FRMPD2: variants seen among roughly 807,000 people sequenced by gnomAD.
FRMPD2 encodes the protein FERM and PDZ domain containing 2, also known as FERM and PDZ domain-containing protein 2.
A neutral mutation model predicts 140.1 loss-of-function variants in FRMPD2; 96 were observed. The observed-to-expected ratio is 0.69, with a 90% CI of 0.58 to 0.81. FRMPD2 has a LOEUF of 0.81. FRMPD2 is among the 40% of genes least tolerant of loss of function. The pLI is 0.00. For synonymous variants in FRMPD2, 449 were observed against 547.6 expected (o/e 0.82, Z 2.52); for missense variants, 1,240 against 1,447.4 (o/e 0.86, Z 2.32).
In FRMPD2 at chr10:48,244,840, A is replaced by G. The variant is rs768216116; in HGVS notation, c.319T>C (p.Tyr107His). Residue 107 changes from tyrosine (Y) to histidine (H), a missense_variant, in exon 4 of 29, where the codon TAT becomes CAT. Tyr to His is a moderately conservative substitution (Grantham distance 83). Transcript: ENST00000374201. ...CAGTAGAGGGTCATTCCTAAAGAAT[A>G]GACATGCATCTGCCCAAAAGAAGAG... The part of the protein sequence containing the change: ...EQPDASQMHV[Y>H]SLGMTLYWSA... 1.9e-6 allele frequency: 3 copies of G among 1,611,082 alleles called. No homozygotes were observed. The highest frequency in any genetic ancestry group is 1.1e-5 in the South Asian group (1 of 91,032).
intron 1 of FRMPD2, among the ~76,000 whole-genome samples, chr10:48,259,030 A>AC (rs1840535386): frequency 6.6e-6 from 1 of 152,242 alleles, no homozygotes; most frequent in Admixed American, 6.5e-5. Flanking sequence ...TGAAAAATTG[A>AC]AGTAAAATGT....
intron 1 of FRMPD2, among the ~76,000 whole-genome samples, chr10:48,264,782 C>T (rs927745126): frequency 9.9e-5 from 15 of 152,086 alleles, no homozygotes; most frequent in African/African-American, 3.4e-4. Context: ...ATATCAACAA[C>T]TAATTCTAAA....
At chr10:48,270,332 G>T (rs1425790440) in intron 1 of FRMPD2, among the ~76,000 whole-genome samples, 1 of 152,178 alleles carries the variant, frequency 6.6e-6, no homozygotes, top group African/African-American at 2.4e-5. Flanking sequence ...TGCGACAGCT[G>T]ATTTGTAAAG....
chr10:48,180,050 C>G (rs1289393559), intron 21 of FRMPD2, among the ~76,000 whole-genome samples: 1 of 152,080 alleles, frequency 6.6e-6, no homozygotes, highest in Non-Finnish European at 1.5e-5. Context: ...TGTAGAGGGG[C>G]ACAGGCAACC....
intron 1 of FRMPD2, among the ~76,000 whole-genome samples, chr10:48,271,405 AC>A (rs1239186951): frequency 6.6e-6 from 1 of 152,184 alleles, no homozygotes; most frequent in Non-Finnish European, 1.5e-5. Context: ...TAATACATTT[AC>A]TCTCCAGCCA....
intron 1 of FRMPD2, among the ~76,000 whole-genome samples, chr10:48,263,394 C>G (rs1840628278): frequency 1.3e-5 from 2 of 150,844 alleles, no homozygotes; most frequent in Admixed American, 1.3e-4. Flanking sequence ...TTGAAAACAA[C>G]AACAAAACTG....
At chr10:48,201,158 A>G (rs1839075534) in intron 15 of FRMPD2, 70 bp downstream of exon 15, 2 of 1,250,516 alleles carry the variant, frequency 1.6e-6, no homozygotes, top group East Asian at 5.3e-5. Context: ...AATTGTATCT[A>G]TTTATACAAA....
At chr10:48,260,502 C>T (rs1254077886) in intron 1 of FRMPD2, among the ~76,000 whole-genome samples, 1 of 152,204 alleles carries the variant, frequency 6.6e-6, no homozygotes, top group African/African-American at 2.4e-5. Flanking sequence ...GCCCATAGCA[C>T]AATTCAAACT....
chr10:48,239,550 C>T (rs1282814262), intron 7 of FRMPD2, 55 bp downstream of exon 7: 10 of 1,287,684 alleles, frequency 7.8e-6, no homozygotes, highest in Admixed American at 1.7e-5. Context: ...TACCATAGCC[C>T]CCACACCTAT....
At chr10:48,249,246 G>A in intron 2 of FRMPD2, 68 bp from the exon 3 acceptor site, 1 of 1,513,966 alleles carries the variant, frequency 6.6e-7, no homozygotes, top group Non-Finnish European at 9.0e-7. Context: ...ATGGGACTGT[G>A]CCCAGCAGGT....
intron 16 of FRMPD2, among the ~76,000 whole-genome samples, chr10:48,188,157 C>A (rs1292963329): frequency 6.6e-6 from 1 of 152,170 alleles, no homozygotes; most frequent in Non-Finnish European, 1.5e-5. Flanking sequence ...AGACTGACCC[C>A]CACCCCTCAG....
At chr10:48,241,679 G>A (rs1450179819) in intron 5 of FRMPD2, among the ~76,000 whole-genome samples, 11 of 152,184 alleles carry the variant, frequency 7.2e-5, no homozygotes, top group Admixed American at 7.2e-4. Context: ...TCTGTGGAGT[G>A]CACAGGGCAG....
intron 1 of FRMPD2, among the ~76,000 whole-genome samples, chr10:48,258,298 T>G (rs574199053): frequency 6.6e-6 from 1 of 152,350 alleles, no homozygotes; most frequent in African/African-American, 2.4e-5. Flanking sequence ...GCTCTTATCT[T>G]CTGGAATTCT....
chr10:48,252,507 G>A (rs1214746422), intron 1 of FRMPD2, among the ~76,000 whole-genome samples: 1 of 151,902 alleles, frequency 6.6e-6, no homozygotes, highest in Non-Finnish European at 1.5e-5. Flanking sequence ...AGTGTCGGGC[G>A]CTAGATGGGG....
chr10:48,236,605 G>A (rs1212146967), intron 8 of FRMPD2, 52 bp from the exon 9 acceptor site: 12 of 1,548,704 alleles, frequency 7.7e-6, no homozygotes, highest in Non-Finnish European at 9.8e-6. Flanking sequence ...TCCAGGCTTT[G>A]GGTCTGGGCT....
intron 20 of FRMPD2, among the ~76,000 whole-genome samples, chr10:48,182,325 G>A (rs765543979): frequency 5.9e-5 from 9 of 152,122 alleles, no homozygotes; most frequent in South Asian, 2.1e-4. Flanking sequence ...TGGGACTTAC[G>A]ATTGAAATGA....
chr10:48,201,184 A>G, intron 15 of FRMPD2, 44 bp downstream of exon 15: 1 of 1,458,546 alleles, frequency 6.9e-7, no homozygotes, highest in East Asian at 2.4e-5. Context: ...TTATGAAATA[A>G]CAAACTTGTC....
At position 48,185,070 on chromosome 10, in the gene FRMPD2, T is replaced by C. The variant is rs144910321; in HGVS notation, c.2360-189A>G. Among the ~76,000 whole-genome samples, 1,004 of 152,330 alleles carry C rather than the reference T, an allele frequency of 6.6e-3. 11 individuals carry two copies. The highest frequency in any genetic ancestry group is 0.021 in the African/African-American group (890 of 41,578). On this transcript the variant is annotated intron_variant, in intron 18 of 28. Coordinates refer to ENST00000374201, the MANE Select transcript of FRMPD2 (RefSeq NM_001018071.4). ...ATGATACTTGGAGAAAGGTGGATTG[T>C]TCCCCATTAGTAAGCACAGCTAAAG... is the stretch of plus-strand genomic sequence containing the variant.
intron 9 of FRMPD2, 68 bp from the exon 10 acceptor site, chr10:48,232,357 ACT>A: frequency 8.5e-7 from 1 of 1,176,906 alleles, no homozygotes; most frequent in Non-Finnish European, 1.2e-6. Flanking sequence ...TGTGCTGGTT[ACT>A]GTACTAAGCA....
Sources: allele counts gnomAD v4.1 joint callset (sites outside exome capture counted in the v4.1 genomes callset), GRCh38; gene constraint gnomAD v4.1.1; transcripts MANE v1.5; gene names NCBI Gene and HGNC (gene_info 2026-07-23, HGNC 2026-07-21).